MEIKIN: variants seen among roughly 807,000 people sequenced by gnomAD.
The protein encoded by MEIKIN is meiosis-specific kinetochore protein.
chr5:131,889,025 A>C (rs572731439), intron 8 of MEIKIN, among the ~76,000 whole-genome samples: 2 of 152,240 alleles, frequency 1.3e-5, no homozygotes, highest in African/African-American at 2.4e-5. Flanking sequence ...AGTTGTAGAT[A>C]AGTGGCATTA....
intron 4 of MEIKIN, among the ~76,000 whole-genome samples, chr5:131,938,717 T>G (rs1284958477): frequency 3.3e-5 from 5 of 152,248 alleles, no homozygotes; most frequent in Non-Finnish European, 7.3e-5. Flanking sequence ...ATAACATTTT[T>G]CCATCATCCT....
chr5:131,873,824 C>T (rs1330046187), intron 9 of MEIKIN, among the ~76,000 whole-genome samples: 1 of 152,216 alleles, frequency 6.6e-6, no homozygotes, highest in Non-Finnish European at 1.5e-5. Flanking sequence ...CAAACTAGAA[C>T]TCATGATTAA....
rs542691975 is a variant in MEIKIN, at chr5:131,868,347, A to G, written c.774+10631T>C. 2.0e-4 allele frequency among the ~76,000 whole-genome samples: 30 copies of G among 152,246 alleles called. No individual in the cohort carries two copies. In the South Asian group the frequency reaches 6.2e-3, roughly 32 times the overall value. On this transcript the variant is annotated intron_variant, in intron 9 of 12. Transcript: ENST00000442687. ...AATCCACTTGCCTCAGTCCCCCAAA[A>G]TGTTGGGATTACAGGCATAAGCCAC...
At chr5:131,864,126 T>C (rs971634255) in intron 9 of MEIKIN, among the ~76,000 whole-genome samples, 2 of 152,252 alleles carry the variant, frequency 1.3e-5, no homozygotes, top group African/African-American at 2.4e-5. Context: ...AGCCAGTCTA[T>C]ATCTTTTAAG....
intron 9 of MEIKIN, among the ~76,000 whole-genome samples, chr5:131,870,931 C>T (rs4705840): frequency 0.63 from 96,318 of 152,006 alleles, 32,654 homozygotes; most frequent in Non-Finnish European, 0.77. Flanking sequence ...GGCTTTAGAT[C>T]CGGAAAGACC....
At chr5:131,824,973 T>C (rs753686322) in intron 11 of MEIKIN, among the ~76,000 whole-genome samples, 9 of 151,474 alleles carry the variant, frequency 5.9e-5, no homozygotes, top group South Asian at 2.1e-4. Flanking sequence ...ATCACTTGAG[T>C]CCAGGAGTTC....
In MEIKIN at chr5:131,937,924, T is replaced by C. The variant is rs560491954; in HGVS notation, c.350-4283A>G. On this transcript the variant is annotated intron_variant, in intron 4 of 12. Transcript: ENST00000442687. ...GTCCAAACTTGGCTCTCAGTATCTC[T>C]GTTCATACTATTCAGAATCTGAATG... Among the ~76,000 whole-genome samples, 10 of 152,232 alleles carry C rather than the reference T, an allele frequency of 6.6e-5. No homozygotes were observed. The East Asian group carries it at 1.7e-3, about 26-fold the overall frequency.
intron 11 of MEIKIN, among the ~76,000 whole-genome samples, chr5:131,822,472 G>T (rs923227211): frequency 1.3e-5 from 2 of 151,612 alleles, no homozygotes; most frequent in African/African-American, 4.8e-5. Context: ...TATATTTTTT[G>T]ATTTGAGGTT....
intron 9 of MEIKIN, among the ~76,000 whole-genome samples, chr5:131,866,448 G>T (rs1750387132): frequency 6.6e-6 from 1 of 152,236 alleles, no homozygotes; most frequent in African/African-American, 2.4e-5. Flanking sequence ...TGACCCTGTG[G>T]CCATTGGCAG....
At chr5:131,807,537 G>C (rs978938161) in intron 12 of MEIKIN, among the ~76,000 whole-genome samples, 4 of 152,050 alleles carry the variant, frequency 2.6e-5, no homozygotes, top group Non-Finnish European at 4.4e-5. Flanking sequence ...GCTGTCAGTG[G>C]CCATCACAGA....
chr5:131,824,677 G>A (rs1749580839), intron 11 of MEIKIN, among the ~76,000 whole-genome samples: 1 of 152,104 alleles, frequency 6.6e-6, no homozygotes, highest in Non-Finnish European at 1.5e-5. Context: ...GAATTAGTAA[G>A]GAAATTGCCC....
At chr5:131,866,192 G>A (rs996487791) in intron 9 of MEIKIN, among the ~76,000 whole-genome samples, 3 of 152,236 alleles carry the variant, frequency 2.0e-5, no homozygotes, top group Admixed American at 2.0e-4. Flanking sequence ...GGGCAGGCTG[G>A]TTTCCAGATC....
At chr5:131,916,096 T>C (rs1751412293) in intron 7 of MEIKIN, among the ~76,000 whole-genome samples, 1 of 152,338 alleles carries the variant, frequency 6.6e-6, no homozygotes, top group African/African-American at 2.4e-5. Context: ...AGATGTCTAG[T>C]AGATAATAGG....
intron 3 of MEIKIN, among the ~76,000 whole-genome samples, chr5:131,943,185 G>A (rs1751902169): frequency 6.6e-6 from 1 of 151,836 alleles, no homozygotes; most frequent in South Asian, 2.1e-4. Context: ...AGTACAAATG[G>A]CCAATAATTT....
At position 131,818,925 on chromosome 5, in the gene MEIKIN, T is replaced by G. The variant is rs527515710; in HGVS notation, c.976-62A>C. ...CCAAATACTACATTTGTATGTTGCT[T>G]TATTTCAAATGCAACTAGTCTTAAT... On this transcript the variant is annotated intron_variant, in intron 11 of 12. Transcript: ENST00000442687. 4 of 392,886 alleles carry G rather than the reference T, an allele frequency of 1.0e-5. No homozygotes were observed. In the South Asian group the frequency reaches 5.3e-4, roughly 52 times the overall value. The allele number at this position is 392,886 out of a possible 1,614,324, so 24.3% of individuals were successfully genotyped here.
In MEIKIN at chr5:131,899,788, G is replaced by A. The variant is rs147338742; in HGVS notation, c.703+12027C>T. On this transcript the variant is annotated intron_variant, in intron 8 of 12. Coordinates refer to ENST00000442687, the MANE Select transcript of MEIKIN (RefSeq NM_001303622.2). Reference sequence around the variant, plus strand: ...AGATGTAATAATTTTAAATATATATGCACCTAACACTGGGTCATCCAGATA... The same window carrying A: ...AGATGTAATAATTTTAAATATATATACACCTAACACTGGGTCATCCAGATA... Among the ~76,000 whole-genome samples the A allele has an allele frequency of 9.2e-5, 14 of 152,220 alleles. No individual in the cohort carries two copies. The East Asian group carries it at 2.5e-3, about 27-fold the overall frequency.
intron 9 of MEIKIN, among the ~76,000 whole-genome samples, chr5:131,869,203 C>A (rs957779211): frequency 3.3e-5 from 5 of 152,256 alleles, no homozygotes; most frequent in African/African-American, 1.2e-4. Context: ...TTTGGGGGTC[C>A]AGTTATTCAA....
Position 131,843,403 on chromosome 5 carries a change from T to C in MEIKIN, c.975+7861A>G, listed in dbSNP as rs543145785. ...AGGCCACAAATTTTCCATACTTTTA[T>C]GCTCTTCTTCCTTTTTAAATGTAAG... On this transcript the variant is annotated intron_variant, in intron 11 of 12. Coordinates refer to ENST00000442687, the MANE Select transcript of MEIKIN (RefSeq NM_001303622.2). Among the ~76,000 whole-genome samples the C allele has an allele frequency of 3.9e-5, 6 of 152,382 alleles. No homozygotes were observed. The East Asian group carries it at 1.2e-3, about 29-fold the overall frequency.
intron 12 of MEIKIN, among the ~76,000 whole-genome samples, chr5:131,816,783 T>C (rs186650630): frequency 1.4e-4 from 21 of 152,370 alleles, no homozygotes; most frequent in African/African-American, 4.6e-4. Context: ...AATTATGTGC[T>C]TTCTCCTTGA....
Sources: allele counts gnomAD v4.1 joint callset (sites outside exome capture counted in the v4.1 genomes callset), GRCh38; gene constraint gnomAD v4.1.1; transcripts MANE v1.5; gene names NCBI Gene and HGNC (gene_info 2026-07-23, HGNC 2026-07-21).